Variants in SLAMF1 observed in about 807,000 individuals in gnomAD.
SLAMF1 encodes the protein signaling lymphocytic activation molecule family member 1.
Under a neutral mutation model 35.1 loss-of-function variants are expected in SLAMF1, and 18 were observed. The observed-to-expected ratio is 0.51, with a 90% confidence interval of 0.35 to 0.76. SLAMF1 has a LOEUF of 0.76. Ranked by LOEUF, SLAMF1 falls within the 30% of genes least tolerant of loss-of-function variation. SLAMF1 has a pLI of 0.01. For missense variants in SLAMF1, 392 were observed against 413.0 expected (o/e 0.95, Z 0.44); for synonymous variants, 168 against 157.2 (o/e 1.07, Z -0.51).
At chr1:160,641,242 A>G (rs1163109252) in intron 1 of SLAMF1, among the ~76,000 whole-genome samples, 2 of 152,116 alleles carry the variant, frequency 1.3e-5, no homozygotes, top group African/African-American at 4.8e-5. Context: ...AAAAATTGCT[A>G]GCGTAGTGTT....
At chr1:160,641,683 G>A (rs1202063488) in intron 1 of SLAMF1, among the ~76,000 whole-genome samples, 2 of 151,990 alleles carry the variant, frequency 1.3e-5, no homozygotes, top group South Asian at 2.1e-4. Flanking sequence ...GGTCTGGAGG[G>A]GGTACTTGAG....
intron 5 of SLAMF1, among the ~76,000 whole-genome samples, chr1:160,614,052 A>T (rs1429363103): frequency 6.6e-6 from 1 of 152,232 alleles, no homozygotes; most frequent in Non-Finnish European, 1.5e-5. Flanking sequence ...TTTCTAATAA[A>T]GTCCCAGGTG....
intron 5 of SLAMF1, among the ~76,000 whole-genome samples, chr1:160,618,860 C>T (rs1165614233): frequency 6.6e-6 from 1 of 152,064 alleles, no homozygotes; most frequent in African/African-American, 2.4e-5. Flanking sequence ...GAAAGGGTTA[C>T]TCTTGGGATT....
At chr1:160,631,276 A>G (rs2102325124) in intron 3 of SLAMF1, among the ~76,000 whole-genome samples, 1 of 152,324 alleles carries the variant, frequency 6.6e-6, no homozygotes, top group Admixed American at 6.5e-5. Context: ...CAGCTGTGTG[A>G]TCTGGTTCTG....
intron 5 of SLAMF1, among the ~76,000 whole-genome samples, chr1:160,618,428 TGGA>T (rs1659429208): frequency 6.6e-6 from 1 of 150,782 alleles, no homozygotes; most frequent in African/African-American, 2.5e-5. Flanking sequence ...GTGTGTAAAA[TGGA>T]GGAGAGGACT....
intron 4 of SLAMF1, 106 bp downstream of exon 4, chr1:160,623,990 C>T (rs1659748145): frequency 1.3e-6 from 1 of 743,188 alleles, no homozygotes; most frequent in Admixed American, 2.6e-5. Flanking sequence ...AAAGGTGGCC[C>T]CATGCAGAAA....
chr1:160,618,101 G>A (rs747964802), intron 5 of SLAMF1, among the ~76,000 whole-genome samples: 2 of 151,524 alleles, frequency 1.3e-5, no homozygotes, highest in African/African-American at 2.4e-5. Context: ...CAAAAAACAC[G>A]CAACACTGAA....
chr1:160,608,720 G>A lies in SLAMF1; in HGVS notation c.*2028C>T, dbSNP rs1031165980. On this transcript the variant is annotated 3_prime_UTR_variant, in exon 7 of 7. Transcript: ENST00000302035. The stretch of plus-strand genomic sequence containing the variant: ...GAACTGAGCTTCTAGAGCAATCTGA[G>A]TTGTAGTAAAGGAATGGGTGCTCAT... The A allele has an allele frequency of 6.9e-6, 1 of 144,098 alleles. No individual in the cohort carries two copies. Among genetic ancestry groups the A allele is most frequent in the Admixed American group, 7.0e-5 (1 of 14,292 alleles). The allele number at this position is 144,098 out of a possible 1,614,324, so 8.9% of individuals were successfully genotyped here.
At chr1:160,637,817 G>T (rs1188056955) in intron 1 of SLAMF1, among the ~76,000 whole-genome samples, 1 of 152,212 alleles carries the variant, frequency 6.6e-6, no homozygotes, top group Admixed American at 6.5e-5. Flanking sequence ...CATCTAAAAA[G>T]CACAGAGAAG....
chr1:160,635,378 GGTGA>G (rs1395355350), intron 2 of SLAMF1, among the ~76,000 whole-genome samples: 3 of 152,118 alleles, frequency 2.0e-5, no homozygotes, highest in Non-Finnish European at 4.4e-5. Context: ...CGGGCGCATG[GGTGA>G]GTGAGTGGGT....
chr1:160,646,866 T>C lies in SLAMF1; in HGVS notation c.76+4A>G. ...CTCAAACCATCAGGCAGATGAACACTCACCTGTTCCGTAGCTTGCCCCAAA... is the reference window on the plus strand; with the variant it reads ...CTCAAACCATCAGGCAGATGAACACCCACCTGTTCCGTAGCTTGCCCCAAA... On this transcript the variant is annotated splice_donor_region_variant and intron_variant, in intron 1 of 6. Coordinates refer to ENST00000302035, the MANE Select transcript of SLAMF1 (RefSeq NM_003037.5). The C allele has an allele frequency of 6.4e-7, 1 of 1,560,592 alleles. No individual in the cohort carries two copies. Among genetic ancestry groups the C allele is most frequent in the Non-Finnish European group, 8.8e-7 (1 of 1,131,856 alleles).
chr1:160,633,235 C>T (rs147015014), intron 3 of SLAMF1, among the ~76,000 whole-genome samples: 3 of 152,208 alleles, frequency 2.0e-5, no homozygotes, highest in Non-Finnish European at 4.4e-5. Context: ...TGGGGGGTAG[C>T]CTCTGAATGT....
chr1:160,637,640 C>A (rs1470750863), intron 1 of SLAMF1, 111 bp from the exon 2 acceptor site: 1 of 769,442 alleles, frequency 1.3e-6, no homozygotes. Context: ...CTTTGGCTAT[C>A]CCTGGGGTTG....
chr1:160,641,371 C>G (rs1232147656), intron 1 of SLAMF1, among the ~76,000 whole-genome samples: 1 of 152,110 alleles, frequency 6.6e-6, no homozygotes, highest in Non-Finnish European at 1.5e-5. Context: ...CCCACCTAAC[C>G]TTGCACACTC....
intron 3 of SLAMF1, among the ~76,000 whole-genome samples, chr1:160,629,016 C>T (rs937837067): frequency 4.6e-5 from 7 of 152,178 alleles, no homozygotes; most frequent in African/African-American, 1.7e-4. Context: ...GGTCTAGAAG[C>T]TCCTGACTCC....
At chr1:160,641,476 T>A (rs1558016474) in intron 1 of SLAMF1, among the ~76,000 whole-genome samples, 1 of 149,424 alleles carries the variant, frequency 6.7e-6, no homozygotes, top group African/African-American at 2.5e-5. Context: ...AATAAAAAAA[T>A]AAAAAAATAA....
chr1:160,614,766 G>A (rs946579347), intron 5 of SLAMF1, among the ~76,000 whole-genome samples: 7 of 152,102 alleles, frequency 4.6e-5, no homozygotes, highest in Admixed American at 3.3e-4. Context: ...GTCCTATTAA[G>A]ACTCTGTGTG....
intron 5 of SLAMF1, among the ~76,000 whole-genome samples, chr1:160,617,661 T>C (rs867053489): frequency 9.2e-5 from 14 of 151,944 alleles, no homozygotes; most frequent in African/African-American, 3.1e-4. Context: ...GTCAGGATAG[T>C]GGTTATCTTT....
chr1:160,628,088 T>C (rs1659976208), intron 3 of SLAMF1, among the ~76,000 whole-genome samples: 1 of 152,244 alleles, frequency 6.6e-6, no homozygotes, highest in African/African-American at 2.4e-5. Flanking sequence ...TGTGGAACTA[T>C]GAGCCAATTA....
Sources: gnomAD v4.1 joint callset for allele counts (sites outside exome capture counted in the v4.1 genomes callset) on GRCh38, gnomAD v4.1.1 for gene constraint, MANE v1.5 for transcripts, NCBI Gene and HGNC (gene_info 2026-07-23, HGNC 2026-07-21) for gene names.